SH3D19: variants seen among roughly 807,000 people sequenced by gnomAD.
The protein encoded by SH3D19 is SH3 domain-containing protein 19.
SH3D19 carries 58 observed loss-of-function variants against 112.1 expected under a neutral mutation model. The ratio of observed to expected loss-of-function variants is 0.52; its 90% CI spans 0.42 to 0.64. The LOEUF (loss-of-function observed/expected upper bound fraction) is 0.64. SH3D19 is among the 30% of genes least tolerant of loss of function. The pLI, the probability that SH3D19 is intolerant of heterozygous loss-of-function variation, is 0.00. For synonymous variants in SH3D19, 391 were observed against 448.5 expected (o/e 0.87, Z 1.62); for missense variants, 1,090 against 1,263.4 (o/e 0.86, Z 2.08).
intron 8 of SH3D19, among the ~76,000 whole-genome samples, chr4:151,160,801 G>A (rs1174833403): frequency 2.0e-5 from 3 of 152,042 alleles, no homozygotes; most frequent in East Asian, 3.9e-4. Flanking sequence ...TTCTCAAAGG[G>A]AGGAAAATAC....
chr4:151,306,275 T>C (rs1281487529), intron 1 of SH3D19, among the ~76,000 whole-genome samples: 4 of 152,172 alleles, frequency 2.6e-5, no homozygotes, highest in African/African-American at 4.8e-5. Flanking sequence ...AATTTTACTG[T>C]ATGTACATTT....
At chr4:151,324,219 C>A (rs1730823538) in intron 1 of SH3D19, among the ~76,000 whole-genome samples, 1 of 152,136 alleles carries the variant, frequency 6.6e-6, no homozygotes, top group African/African-American at 2.4e-5. Flanking sequence ...TTCCTTTCAT[C>A]CTACTTTCTA....
At chr4:151,248,119 TTTTTTTTG>T (rs975053575) in intron 1 of SH3D19, among the ~76,000 whole-genome samples, 23 of 63,826 alleles carry the variant, frequency 3.6e-4, no homozygotes, top group African/African-American at 7.4e-4. Context: ...TTTTACTTTT[TTTTTTTTG>T]TTTGTTTGTT....
intron 1 of SH3D19, among the ~76,000 whole-genome samples, chr4:151,275,861 T>TGG (rs201239876): frequency 7.6e-6 from 1 of 132,382 alleles, no homozygotes. Flanking sequence ...TTTTTTTTTT[T>TGG]AGACGGAGTC....
rs1241896300 is a variant in SH3D19 at position 151,120,790 on chromosome 4, G to A, written c.*1301C>T. 1 of 152,492 alleles carries A rather than the reference G, an allele frequency of 6.6e-6. No individual in the cohort carries two copies. 9.4% of individuals were successfully genotyped at this position (152,492 alleles called of 1,614,324 possible). ...AAAAAAAAACAATAAAAGCTAAAAT[G>A]TGGTCCAGCATATGAAACTCTTCTC... On this transcript the variant is annotated 3_prime_UTR_variant, in exon 20 of 20. Transcript: ENST00000604030.
intron 4 of SH3D19, among the ~76,000 whole-genome samples, chr4:151,178,254 C>T (rs1310287510): frequency 6.6e-6 from 1 of 152,182 alleles, no homozygotes; most frequent in African/African-American, 2.4e-5. Context: ...AACTGTGTGA[C>T]CCTGAACAAA....
chr4:151,325,396 G>C lies in SH3D19; in HGVS notation c.-44C>G. Reference sequence around the variant, plus strand: ...AGCCGCGGGATGGCCAGCGAGCTGCGGCCCCGGCGCCCCAGAACGCCTGCA... The same window carrying C: ...AGCCGCGGGATGGCCAGCGAGCTGCCGCCCCGGCGCCCCAGAACGCCTGCA... On this transcript the variant is annotated 5_prime_UTR_variant, in exon 1 of 20. Transcript: ENST00000604030. 9.4e-7 allele frequency: 1 copy of C among 1,060,030 alleles called. No individual in the cohort carries two copies. Among genetic ancestry groups the C allele is most frequent in the Non-Finnish European group, 1.2e-6 (1 of 842,470 alleles). 65.7% of individuals were successfully genotyped at this position (1,060,030 alleles called of 1,614,324 possible).
intron 1 of SH3D19, chr4:151,282,412 A>G: frequency 6.2e-7 from 1 of 1,613,706 alleles, no homozygotes; most frequent in Non-Finnish European, 8.5e-7. Context: ...AGGAAAGTTC[A>G]GGTGAGAATG....
chr4:151,129,319 G>C (rs1472884857), intron 17 of SH3D19, among the ~76,000 whole-genome samples: 1 of 152,184 alleles, frequency 6.6e-6, no homozygotes, highest in Non-Finnish European at 1.5e-5. Flanking sequence ...CTGCCAATTT[G>C]GGATGGGAAC....
At position 151,143,858 on chromosome 4, in the gene SH3D19, G is replaced by GA. The variant is rs1753445210; in HGVS notation, c.2223+51dup. 3 of 1,532,254 alleles carry GA rather than the reference G, an allele frequency of 2.0e-6. No homozygotes were observed. In the Admixed American group the frequency reaches 6.4e-5, roughly 33 times the overall value. The allele number at this position is 1,532,254 out of a possible 1,614,324, so 94.9% of individuals were successfully genotyped here. A position where few individuals can be genotyped will look rare whatever the true frequency, so the allele number is the denominator to read the frequency against. On this transcript the variant is annotated intron_variant, in intron 12 of 19. Coordinates refer to ENST00000604030, the MANE Select transcript of SH3D19 (RefSeq NM_001378122.1). Reference sequence around the variant, plus strand: ...GATGAGATATAATTAATAGTTCCATGAAATGTGCTGCTATGTGTGATATGA... The same window carrying GA: ...GATGAGATATAATTAATAGTTCCATGAAAATGTGCTGCTATGTGTGATATGA...
intron 1 of SH3D19, among the ~76,000 whole-genome samples, chr4:151,311,315 G>C (rs565428963): frequency 6.6e-6 from 1 of 151,898 alleles, no homozygotes. Flanking sequence ...AGGATCACTT[G>C]AGCCCAGGAG....
At chr4:151,289,390 A>C (rs1463642191) in intron 1 of SH3D19, among the ~76,000 whole-genome samples, 1 of 152,234 alleles carries the variant, frequency 6.6e-6, no homozygotes. Flanking sequence ...AGTTCTTCAA[A>C]ATTCAGAACT....
At chr4:151,141,334 C>T (rs1310708514) in intron 12 of SH3D19, among the ~76,000 whole-genome samples, 2 of 152,176 alleles carry the variant, frequency 1.3e-5, no homozygotes, top group Non-Finnish European at 2.9e-5. Context: ...CCACGTTGCC[C>T]AGGCTGGTCT....
At chr4:151,181,533 GC>G (rs1174082604) in intron 3 of SH3D19, among the ~76,000 whole-genome samples, 1 of 152,134 alleles carries the variant, frequency 6.6e-6, no homozygotes, top group Non-Finnish European at 1.5e-5. Context: ...TGACAGGGAG[GC>G]TAGAGCTCTG....
At chr4:151,149,294 T>C (rs1228909727) in intron 10 of SH3D19, among the ~76,000 whole-genome samples, 1 of 152,152 alleles carries the variant, frequency 6.6e-6, no homozygotes, top group African/African-American at 2.4e-5. Context: ...AAATGCTCTA[T>C]GAGTTGAACT....
At chr4:151,197,684 A>C (rs1361873653) in intron 2 of SH3D19, among the ~76,000 whole-genome samples, 10 of 152,242 alleles carry the variant, frequency 6.6e-5, no homozygotes, top group Admixed American at 2.0e-4. Flanking sequence ...TTTAGACAGC[A>C]GAAGGGAAAG....
chr4:151,162,582 C>T (rs1276768376), intron 8 of SH3D19, among the ~76,000 whole-genome samples: 3 of 148,888 alleles, frequency 2.0e-5, no homozygotes, highest in African/African-American at 5.0e-5. Context: ...GAAAGTCCTA[C>T]TTACAAGATT....
chr4:151,269,713 A>T (rs1366072827), intron 1 of SH3D19, among the ~76,000 whole-genome samples: 1 of 152,182 alleles, frequency 6.6e-6, no homozygotes, highest in Non-Finnish European at 1.5e-5. Flanking sequence ...TCCTAATAAC[A>T]CTTAGCTTAA....
In SH3D19 at chr4:151,234,735, GTTT is replaced by G. The variant is rs541665981; in HGVS notation, c.113-8652_113-8650del. On this transcript the variant is annotated intron_variant, in intron 1 of 19. Coordinates refer to ENST00000604030, the MANE Select transcript of SH3D19 (RefSeq NM_001378122.1). ...GTTTTTGTTTTCTTTCCAAGTTTGTGTTTTTTTTTTTTTTTTTTTTTTTTTTTT... is the reference window on the plus strand; with the variant it reads ...GTTTTTGTTTTCTTTCCAAGTTTGTGTTTTTTTTTTTTTTTTTTTTTTTTT... 2.4e-3 allele frequency among the ~76,000 whole-genome samples: 60 copies of G among 25,034 alleles called. 2 individuals are homozygous for G. Among genetic ancestry groups the G allele is most frequent in the African/African-American group, 3.8e-3 (41 of 10,788 alleles). The allele number at this position is 25,034 out of a possible 152,430, so 16.4% of individuals were successfully genotyped here.
Sources: gnomAD v4.1 joint callset for allele counts (sites outside exome capture counted in the v4.1 genomes callset) on GRCh38, gnomAD v4.1.1 for gene constraint, MANE v1.5 for transcripts, NCBI Gene and HGNC (gene_info 2026-07-23, HGNC 2026-07-21) for gene names.